ZNF831: variants seen among roughly 807,000 people sequenced by gnomAD.
ZNF831 encodes the protein zinc finger protein 831.
ZNF831 carries 59 observed loss-of-function variants against 95.8 expected under a neutral mutation model. The observed-to-expected ratio is 0.62, with a 90% CI of 0.50 to 0.77. ZNF831 has a LOEUF of 0.77. ZNF831 is among the 30% of genes least tolerant of loss of function. The pLI, the probability that ZNF831 is intolerant of heterozygous loss-of-function variation, is 0.00. For missense variants in ZNF831, 2,205 were observed against 2,164.0 expected, an observed-to-expected ratio of 1.02 and a Z score of -0.38; for synonymous variants, 961 against 925.5, an observed-to-expected ratio of 1.04 and a Z score of -0.70.
chr20:59,209,575 GAC>G (rs1985147883), intron 4 of ZNF831, among the ~76,000 whole-genome samples: 1 of 152,216 alleles, frequency 6.6e-6, no homozygotes, highest in South Asian at 2.1e-4. Context: ...AGCCATTGAT[GAC>G]AGTGTCTCCA....
Position 59,193,858 on chromosome 20 carries a change from C to T in ZNF831, c.2839C>T (p.Gln947Ter), listed in dbSNP as rs756845233. The stretch of plus-strand genomic sequence containing the variant: ...CCCCAAGTACCTCCTCAGGTTACCT[C>T]AGGCAGAGACCCCCTTACCACTGCC... ...FSPKYLLRLPQAETPLPLPIP... is the reference protein window; with the variant it reads ...FSPKYLLRLP Residue 947 changes from glutamine to a stop codon, truncating the protein, a stop_gained, in exon 2 of 6, where the codon CAG (glutamine) becomes TAG (stop). Coordinates refer to ENST00000371030, the MANE Select transcript of ZNF831 (RefSeq NM_178457.3). LOFTEE classifies it high-confidence loss of function. 1.9e-6 allele frequency: 3 copies of T among 1,613,084 alleles called. No homozygotes were observed. Among genetic ancestry groups the T allele is most frequent in the Non-Finnish European group, 1.7e-6 (2 of 1,179,500 alleles).
upstream of ZNF831, among the ~76,000 whole-genome samples, chr20:59,161,912 C>T (rs185156876): frequency 1.3e-5 from 2 of 152,248 alleles, no homozygotes; most frequent in African/African-American, 2.4e-5. Flanking sequence ...TTTTCTGCAA[C>T]CTCACCAACA....
chr20:59,210,514 CCACAGGG>C (rs1985224283), intron 4 of ZNF831, among the ~76,000 whole-genome samples: 2 of 152,230 alleles, frequency 1.3e-5, no homozygotes, highest in South Asian at 4.1e-4. Flanking sequence ...CTCTCCCCCT[CCACAGGG>C]GACACAGTTC....
In ZNF831 at chr20:59,193,376, A is replaced by AAGG; in HGVS notation, c.2361_2363dup (p.Gly788dup). 6.2e-7 allele frequency: 1 copy of AAGG among 1,607,600 alleles called. No homozygotes were observed. The highest frequency in any genetic ancestry group is 8.5e-7 in the Non-Finnish European group (1 of 1,176,812). On this transcript the variant is annotated inframe_insertion, in exon 2 of 6. Transcript: ENST00000371030. ...CCAGTTTGGCCGGACCCCAAGCTGG[A>AAGG]AGGAGGTGCCCGAGGTGTGGGGGAT... is the stretch of plus-strand genomic sequence containing the variant.
In ZNF831 at chr20:59,194,756, A is replaced by G. The variant is rs1568760423; in HGVS notation, c.3737A>G (p.Lys1246Arg). ...PGEGGPAQMSKFSYPTVPGVM... is the reference protein window; with the variant it reads ...PGEGGPAQMSRFSYPTVPGVM... ...GAAGGAGGGCCGGCGCAGATGTCCA[A>G]GGTAAAGCTGGGCTTTGCCCCAGGG... The change falls in exon 2 of 6, where the codon AAG becomes AGG. Residue 1246 changes from lysine (K) to arginine (R), a missense_variant and splice_region_variant. Transcript: ENST00000371030. 6.4e-7 allele frequency: 1 copy of G among 1,551,696 alleles called. No individual in the cohort carries two copies. The highest frequency in any genetic ancestry group is 8.7e-7 in the Non-Finnish European group (1 of 1,150,874).
chr20:59,240,163 C>T (rs1224561509), intron 4 of ZNF831, among the ~76,000 whole-genome samples: 1 of 146,258 alleles, frequency 6.8e-6, no homozygotes, highest in Non-Finnish European at 1.5e-5. Context: ...ATCCTCTGTG[C>T]GGAATTGTGT....
chr20:59,217,911 T>C lies in ZNF831; in HGVS notation c.4027+10855T>C, dbSNP rs769726215. ...GCAGAGGCACGATGGATCAGCCTGC[T>C]CTGGGGGGACTCTGTCACTGCAAAG... On this transcript the variant is annotated intron_variant, in intron 4 of 5. Coordinates refer to ENST00000371030, the MANE Select transcript of ZNF831 (RefSeq NM_178457.3). This position sits in a 1 kb window ranked among gnomAD's most constrained non-coding sequence, Gnocchi z 4.4. 2.5e-4 allele frequency among the ~76,000 whole-genome samples: 38 copies of C among 152,330 alleles called. No homozygotes were observed. The highest frequency in any genetic ancestry group is 4.3e-4 in the Non-Finnish European group (29 of 68,034).
intron 1 of ZNF831, among the ~76,000 whole-genome samples, chr20:59,136,961 A>G (rs1979529682): frequency 6.6e-6 from 1 of 152,212 alleles, no homozygotes; most frequent in Admixed American, 6.5e-5. Context: ...GAAGGGGTGC[A>G]TCCACCTTCC....
intron 1 of ZNF831, among the ~76,000 whole-genome samples, chr20:59,136,492 T>C (rs1404882576): frequency 6.6e-6 from 1 of 152,170 alleles, no homozygotes; most frequent in East Asian, 1.9e-4. Flanking sequence ...GGACACCAGC[T>C]CTGTCCTGAG....
At position 59,220,698 on chromosome 20, in the gene ZNF831, G is replaced by GT. The variant is rs202129745; in HGVS notation, c.4027+13650dup. ...TTGAGAACACAATTCTGTTTTTATTGTTTTTTTTAAAGAAGAATCTGCTCC... is the reference window on the plus strand; with the variant it reads ...TTGAGAACACAATTCTGTTTTTATTGTTTTTTTTTAAAGAAGAATCTGCTCC... On this transcript the variant is annotated intron_variant, in intron 4 of 5. Transcript: ENST00000371030. Among the ~76,000 whole-genome samples, 857 of 151,962 alleles carry GT rather than the reference G, an allele frequency of 5.6e-3. 3 individuals are homozygous for GT. Among genetic ancestry groups the GT allele is most frequent in the African/African-American group, 0.019 (807 of 41,430 alleles).
chr20:59,243,972 C>T (rs557111818), intron 4 of ZNF831, among the ~76,000 whole-genome samples: 1 of 152,176 alleles, frequency 6.6e-6, no homozygotes, highest in South Asian at 2.1e-4. Context: ...TTTCTTTCTT[C>T]CTCACAATTT....
rs1184366607 is a variant in ZNF831, at chr20:59,194,657, G to C, written c.3638G>C (p.Gly1213Ala). 8 of 1,613,298 alleles carry C rather than the reference G, an allele frequency of 5.0e-6. No individual in the cohort carries two copies. In the African/African-American group the frequency reaches 6.7e-5, roughly 13 times the overall value. The change falls in exon 2 of 6, where the codon GGT (glycine) becomes GCT (alanine). Residue 1213 changes from glycine to alanine, a missense_variant. Transcript: ENST00000371030. ...GTGTACTTGGCGGTGCACTTTCCTG[G>C]TAGCAGCCTCCGAGATGAGGGTCCC... is the stretch of plus-strand genomic sequence containing the variant. Reference protein sequence around the residue: ...ASVYLAVHFPGSSLRDEGPNG... With the variant: ...ASVYLAVHFPASSLRDEGPNG...
In ZNF831 at chr20:59,211,052, A is replaced by G. The variant is rs1358554958; in HGVS notation, c.4027+3996A>G. Among the ~76,000 whole-genome samples the G allele has an allele frequency of 5.9e-5, 9 of 151,398 alleles. 2 individuals carry two copies. Among genetic ancestry groups the G allele is most frequent in the Admixed American group, 2.6e-4 (4 of 15,246 alleles). ...GAGACTCCGTCTCAAAAAAAAAGAA[A>G]AAAAAAAAAAAAACAAATCCAAGGA... On this transcript the variant is annotated intron_variant, in intron 4 of 5. Transcript: ENST00000371030.
intron 4 of ZNF831, among the ~76,000 whole-genome samples, chr20:59,222,782 C>A (rs1198355291): frequency 6.6e-6 from 1 of 152,192 alleles, no homozygotes; most frequent in African/African-American, 2.4e-5. Context: ...GCGGGCGGAC[C>A]CCAGACTCGT....
At chr20:59,248,087 A>G (rs749159261) in intron 4 of ZNF831, among the ~76,000 whole-genome samples, 4 of 152,232 alleles carry the variant, frequency 2.6e-5, no homozygotes, top group African/African-American at 4.8e-5. Flanking sequence ...TTCTGAGGGA[A>G]GTTATTAAAA....
At chr20:59,205,596 T>A (rs1053865241) in intron 3 of ZNF831, among the ~76,000 whole-genome samples, 1 of 152,242 alleles carries the variant, frequency 6.6e-6, no homozygotes, top group Non-Finnish European at 1.5e-5. Flanking sequence ...TTTAAAATTT[T>A]GTGAGCGGCC....
At chr20:59,161,952 C>A (rs1378129515), upstream of ZNF831, among the ~76,000 whole-genome samples, 2 of 152,134 alleles carry the variant, frequency 1.3e-5, no homozygotes, top group African/African-American at 4.8e-5. Context: ...TTAGTCATAG[C>A]CATTCTGACT....
intron 1 of ZNF831, among the ~76,000 whole-genome samples, chr20:59,135,507 A>G (rs1979473975): frequency 6.6e-6 from 1 of 152,202 alleles, no homozygotes; most frequent in South Asian, 2.1e-4. Flanking sequence ...CGAGGCGGGC[A>G]GATCATGAGG....
intron 3 of ZNF831, among the ~76,000 whole-genome samples, chr20:59,206,664 G>A (rs1181768914): frequency 6.6e-6 from 1 of 152,198 alleles, no homozygotes; most frequent in African/African-American, 2.4e-5. Context: ...CTATGACTAA[G>A]CATCCTGGGA....
Sources: gnomAD v4.1 joint callset for allele counts (sites outside exome capture counted in the v4.1 genomes callset) on GRCh38, gnomAD v4.1.1 for gene constraint, Gnocchi (gnomAD v3.1) non-coding constraint, MANE v1.5 for transcripts, NCBI Gene and HGNC (gene_info 2026-07-23, HGNC 2026-07-21) for gene names.